MAP4K4: variants seen among roughly 807,000 people sequenced by gnomAD.
The protein encoded by MAP4K4 is HPK/GCK-like kinase HGK.
Under a neutral mutation model 189.6 loss-of-function variants are expected in MAP4K4, and 38 were observed. The ratio of observed to expected loss-of-function variants is 0.20; its 90% CI spans 0.15 to 0.26. The LOEUF (loss-of-function observed/expected upper bound fraction) is 0.26. MAP4K4 is among the 10% of genes least tolerant of loss of function. MAP4K4 has a pLI of 1.00. For missense variants in MAP4K4, 1,054 were observed against 1,726.9 expected (o/e 0.61, Z 6.91); for synonymous variants, 610 against 624.3 (o/e 0.98, Z 0.34).
At chr2:101,856,994 C>T (rs756353719) in intron 13 of MAP4K4, among the ~76,000 whole-genome samples, 2 of 152,290 alleles carry the variant, frequency 1.3e-5, no homozygotes, top group African/African-American at 4.8e-5. Context: ...ATTTCAGTGA[C>T]GCTTTTTATG....
At chr2:101,774,703 T>C (rs1016472476) in intron 2 of MAP4K4, among the ~76,000 whole-genome samples, 1 of 152,230 alleles carries the variant, frequency 6.6e-6, no homozygotes, top group Non-Finnish European at 1.5e-5. Flanking sequence ...TAGTTTTCTT[T>C]TGATATACAA....
At chr2:101,835,950 C>T (rs1393833835) in exon 9 of MAP4K4, 1 of 1,613,694 alleles carries the variant, frequency 6.2e-7, no homozygotes, top group South Asian at 1.1e-5. Context: ...TCCCAGAAAC[C>T]CTCCTCCCCG....
chr2:101,882,718 CAG>C, intron 28 of MAP4K4, 33 bp downstream of exon 28: 3 of 1,484,646 alleles, frequency 2.0e-6, no homozygotes, highest in Non-Finnish European at 2.7e-6. Context: ...TTTGTTTTTC[CAG>C]AGTTTGATTA....
rs776764238 is a variant in MAP4K4, at chr2:101,828,733, G to C, written c.418-771G>C. Among the ~76,000 whole-genome samples, 112 of 152,170 alleles carry C rather than the reference G, an allele frequency of 7.4e-4. 1 individual carries two copies. Among genetic ancestry groups the C allele is most frequent in the Non-Finnish European group, 8.7e-4 (59 of 68,028 alleles). On this transcript the variant is annotated intron_variant, in intron 5 of 32. Coordinates refer to ENST00000324219, the Ensembl canonical transcript of MAP4K4. ...AAATAGGTTGCTTGTATCTTAAGGA[G>C]GCGAGCTGTATATTTGGCTTCTCTA...
At chr2:101,722,230 C>T (rs2052572893) in intron 2 of MAP4K4, among the ~76,000 whole-genome samples, 1 of 152,158 alleles carries the variant, frequency 6.6e-6, no homozygotes, top group East Asian at 1.9e-4. Context: ...TTGCTGCAAC[C>T]CCAGGATTGG....
rs944479182 is a variant in MAP4K4 at position 101,873,781 on chromosome 2, C to T, written c.3070+17C>T. 2.6e-6 allele frequency: 4 copies of T among 1,528,464 alleles called. No individual in the cohort carries two copies. Among genetic ancestry groups the T allele is most frequent in the Admixed American group, 1.7e-5 (1 of 58,850 alleles). The allele number at this position is 1,528,464 out of a possible 1,614,324, so 94.7% of individuals were successfully genotyped here. On this transcript the variant is annotated intron_variant, in intron 25 of 32. Coordinates refer to ENST00000324219, the Ensembl canonical transcript of MAP4K4. ...CATCTGTGGGTAAGTACAGTAGCAACAAGAAAGCAGCTGACAAATGGGACT... is the reference window on the plus strand; with the variant it reads ...CATCTGTGGGTAAGTACAGTAGCAATAAGAAAGCAGCTGACAAATGGGACT...
chr2:101,886,965 C>G, intron 29 of MAP4K4, 123 bp from the exon 30 acceptor site: 1 of 637,498 alleles, frequency 1.6e-6, no homozygotes, highest in South Asian at 2.2e-5. Flanking sequence ...GCGGAGCTTG[C>G]AGTGAGCCGA....
At chr2:101,867,953 T>G in intron 20 of MAP4K4, 76 bp from the exon 21 acceptor site, 1 of 1,455,308 alleles carries the variant, frequency 6.9e-7, no homozygotes. Flanking sequence ...CCCTTCTTTC[T>G]CCCGCGCTTC....
intron 2 of MAP4K4, among the ~76,000 whole-genome samples, chr2:101,745,923 A>G (rs1359367653): frequency 6.8e-6 from 1 of 147,492 alleles, no homozygotes; most frequent in Non-Finnish European, 1.5e-5. Flanking sequence ...GCCGTGGTTG[A>G]TATCTGTCAG....
intron 2 of MAP4K4, among the ~76,000 whole-genome samples, chr2:101,762,027 G>A (rs1575105992): frequency 6.6e-6 from 1 of 152,146 alleles, no homozygotes; most frequent in Non-Finnish European, 1.5e-5. Flanking sequence ...GGCAACTCAC[G>A]TAACCCCTCT....
At chr2:101,704,164 A>G (rs2040635453) in intron 2 of MAP4K4, among the ~76,000 whole-genome samples, 1 of 152,124 alleles carries the variant, frequency 6.6e-6, no homozygotes, top group Non-Finnish European at 1.5e-5. Flanking sequence ...ATTTTGTAGA[A>G]CCAGATGTTT....
exon 16 of MAP4K4, chr2:101,860,856 G>A: frequency 1.2e-6 from 2 of 1,609,058 alleles, no homozygotes. Flanking sequence ...ACTAACCACA[G>A]CTCCCCTGAA....
At chr2:101,736,038 A>C (rs1471924045) in intron 2 of MAP4K4, among the ~76,000 whole-genome samples, 2 of 152,228 alleles carry the variant, frequency 1.3e-5, no homozygotes, top group Non-Finnish European at 2.9e-5. Context: ...TTATTCCACC[A>C]GAAGCAAATT....
At chr2:101,799,904 G>A (rs1020658481) in intron 3 of MAP4K4, among the ~76,000 whole-genome samples, 1 of 151,950 alleles carries the variant, frequency 6.6e-6, no homozygotes, top group Admixed American at 6.6e-5. Context: ...GAGCCCTGCC[G>A]ATTCTTCTGC....
At chr2:101,878,827 A>G (rs1008060903) in intron 27 of MAP4K4, among the ~76,000 whole-genome samples, 1 of 152,186 alleles carries the variant, frequency 6.6e-6, no homozygotes, top group African/African-American at 2.4e-5. Flanking sequence ...CTTGTTATGT[A>G]ACATATTTGC....
intron 2 of MAP4K4, among the ~76,000 whole-genome samples, chr2:101,778,912 C>G (rs866089357): frequency 2.0e-5 from 3 of 152,102 alleles, no homozygotes; most frequent in African/African-American, 7.2e-5. Flanking sequence ...ACACCTGAGT[C>G]GGAATTCCAC....
intron 3 of MAP4K4, among the ~76,000 whole-genome samples, chr2:101,791,646 T>C (rs1444073427): frequency 1.3e-5 from 2 of 152,124 alleles, no homozygotes; most frequent in African/African-American, 2.4e-5. Context: ...AAGTCTGGGG[T>C]CTGTCAAGGG....
At chr2:101,859,124 CT>C in intron 14 of MAP4K4, 42 bp downstream of exon 14, 1 of 1,551,370 alleles carries the variant, frequency 6.4e-7, no homozygotes, top group Admixed American at 1.7e-5. Flanking sequence ...ATCAGGGCTC[CT>C]TCATCCGTCC....
At chr2:101,757,767 G>A (rs1286592713) in intron 2 of MAP4K4, among the ~76,000 whole-genome samples, 1 of 152,164 alleles carries the variant, frequency 6.6e-6, no homozygotes, top group Non-Finnish European at 1.5e-5. Context: ...CGCCTGTAAT[G>A]CCAGCACTTT....
Sources: allele counts gnomAD v4.1 joint callset (sites outside exome capture counted in the v4.1 genomes callset), GRCh38; gene constraint gnomAD v4.1.1; transcripts MANE v1.5; gene names NCBI Gene and HGNC (gene_info 2026-07-23, HGNC 2026-07-21).